Variants in DOCK8 observed in about 807,000 individuals in gnomAD.
DOCK8 encodes dedicator of cytokinesis 8, also known as dedicator of cytokinesis protein 8.
In DOCK8, 141 loss-of-function variants were observed where a neutral mutation model predicts 245.6. That is an observed-to-expected ratio of 0.57 (90% CI 0.50 to 0.66). The LOEUF is 0.66. Ranked by LOEUF, DOCK8 falls within the 30% of genes least tolerant of loss-of-function variation. The pLI is 0.00. For synonymous variants in DOCK8, 1,168 were observed against 970.2 expected (o/e 1.20, Z -3.79); for missense variants, 2,965 against 2,603.4 (o/e 1.14, Z -3.02).
chr9:425,409 G>A (rs12004361), intron 33 of DOCK8, among the ~76,000 whole-genome samples: 45,363 of 151,658 alleles, frequency 0.3, 7,565 homozygotes, highest in African/African-American at 0.45. Context: ...GCGGGCGCCT[G>A]TAGTCCCAGC....
In DOCK8 at chr9:283,490, T is replaced by C. The variant is rs1223205956; in HGVS notation, c.157-2971T>C. ...TGGTAAAGTCTGGACTTTTAGTGTC[T>C]CCATCACCCAAATAGCATCCATTGT... On this transcript the variant is annotated intron_variant, in intron 2 of 47. Transcript: ENST00000432829. Among the ~76,000 whole-genome samples the C allele has an allele frequency of 3.3e-5, 5 of 152,304 alleles. No homozygotes were observed. The East Asian group carries it at 9.6e-4, about 29-fold the overall frequency.
In DOCK8 at chr9:259,220, G is replaced by C. The variant is rs140536447; in HGVS notation, c.54-12407G>C. Among the ~76,000 whole-genome samples, 8 of 152,168 alleles carry C rather than the reference G, an allele frequency of 5.3e-5. 1 individual carries two copies. In the East Asian group the frequency reaches 1.2e-3, roughly 22 times the overall value. On this transcript the variant is annotated intron_variant, in intron 1 of 47. Coordinates refer to ENST00000432829, the MANE Select transcript of DOCK8 (RefSeq NM_203447.4). ...CAGGGGACTGAGGTAGGAGGATCTC[G>C]TAAGTCCTGGAGTTTGAGGCTGCAG...
intron 4 of DOCK8, among the ~76,000 whole-genome samples, chr9:303,235 G>C (rs2049639103): frequency 6.6e-6 from 1 of 151,634 alleles, no homozygotes; most frequent in Non-Finnish European, 1.5e-5. Flanking sequence ...GAAGATTTCT[G>C]AAAGAACTTA....
chr9:334,526 T>C, intron 11 of DOCK8, 142 bp downstream of exon 11: 1 of 858,876 alleles, frequency 1.2e-6, no homozygotes, highest in Non-Finnish European at 1.8e-6. Context: ...GAAACACTGT[T>C]ATGACTGGAT....
chr9:325,555 CA>C, intron 7 of DOCK8, 115 bp from the exon 8 acceptor site: 1 of 876,068 alleles, frequency 1.1e-6, no homozygotes, highest in Non-Finnish European at 1.9e-6. Context: ...TGGAGTTTTC[CA>C]AATATTTCGG....
chr9:216,562 A>G lies in DOCK8; in HGVS notation c.53+1533A>G, dbSNP rs530630321. Among the ~76,000 whole-genome samples, 12 of 150,690 alleles carry G rather than the reference A, an allele frequency of 8.0e-5. No homozygotes were observed. In the East Asian group the frequency reaches 2.3e-3, roughly 29 times the overall value. On this transcript the variant is annotated intron_variant, in intron 1 of 47. Transcript: ENST00000432829. ...CAAAAAAAAAAAAAAAAAAGCAAAA[A>G]CAAGGCATGAAGTATATCAGGGATC...
At chr9:305,476 G>C (rs1055724868) in intron 5 of DOCK8, among the ~76,000 whole-genome samples, 2 of 151,980 alleles carry the variant, frequency 1.3e-5, no homozygotes, top group South Asian at 2.1e-4. Context: ...TAGTAGAGAC[G>C]GGGTTTCACC....
chr9:286,452 C>G lies in DOCK8; in HGVS notation c.157-9C>G, dbSNP rs1238613488. On this transcript the variant is annotated splice_polypyrimidine_tract_variant and intron_variant, in intron 2 of 47. Coordinates refer to ENST00000432829, the MANE Select transcript of DOCK8 (RefSeq NM_203447.4). ...GAGAACCTCCTTTTCCTTTTCCCTG[C>G]CCCTCCAGCCTCAGTTTTATGACCC... The G allele has an allele frequency of 6.2e-7, 1 of 1,613,348 alleles. No individual in the cohort carries two copies. Among genetic ancestry groups the G allele is most frequent in the African/African-American group, 1.3e-5 (1 of 74,878 alleles).
At chr9:374,117 T>C (rs61243161) in intron 18 of DOCK8, among the ~76,000 whole-genome samples, 16,500 of 152,218 alleles carry the variant, frequency 0.11, 1,975 homozygotes, top group African/African-American at 0.3. Context: ...GAGATAATGC[T>C]TGCCAAACAA....
At position 399,161 on chromosome 9, in the gene DOCK8, G is replaced by T; in HGVS notation, c.3136G>T (p.Glu1046Ter). The T allele has an allele frequency of 6.2e-7, 1 of 1,613,958 alleles. No individual in the cohort carries two copies. Residue 1046 changes from glutamate (E) to a stop codon, truncating the protein, a stop_gained, in exon 26 of 48, where the codon GAA becomes TAA. Transcript: ENST00000432829. LOFTEE classifies it high-confidence loss of function. ...VKPQKENEQA[E>*]KMNISLAFFL... ...TGTTTTTAAGGAAAATGAACAGGCG[G>T]AAAAGATGAACATCAGCCTGGCTTT...
chr9:241,212 A>C (rs1045805835), intron 1 of DOCK8, among the ~76,000 whole-genome samples: 1 of 152,154 alleles, frequency 6.6e-6, no homozygotes, highest in Non-Finnish European at 1.5e-5. Context: ...CTCAAACTCT[A>C]ATCATTTCTT....
chr9:443,361 C>A, intron 42 of DOCK8, 66 bp from the exon 43 acceptor site: 1 of 1,478,146 alleles, frequency 6.8e-7, no homozygotes, highest in South Asian at 1.1e-5. Flanking sequence ...TATTTCACTT[C>A]CAAGAAGACA....
intron 36 of DOCK8, 98 bp downstream of exon 36, chr9:429,952 C>T (rs183559456): frequency 2.4e-5 from 34 of 1,413,040 alleles, no homozygotes; most frequent in Admixed American, 5.9e-5. Flanking sequence ...TGCAGTATTG[C>T]AGTTTACTTC....
At chr9:393,947 A>G (rs569041188) in intron 24 of DOCK8, among the ~76,000 whole-genome samples, 77 of 152,292 alleles carry the variant, frequency 5.1e-4, no homozygotes, top group African/African-American at 1.7e-3. Context: ...GCCTTTCTCT[A>G]TGCTAGCTCT....
At chr9:385,804 A>T (rs2053926890) in intron 22 of DOCK8, among the ~76,000 whole-genome samples, 1 of 152,190 alleles carries the variant, frequency 6.6e-6, no homozygotes, top group South Asian at 2.1e-4. Flanking sequence ...GACAGCCTTG[A>T]TCTTTCTATT....
At chr9:409,655 A>G (rs1275428863) in intron 28 of DOCK8, among the ~76,000 whole-genome samples, 3 of 152,208 alleles carry the variant, frequency 2.0e-5, no homozygotes, top group South Asian at 2.1e-4. Context: ...ATATGTATAT[A>G]TGCGCCATGT....
upstream of DOCK8, among the ~76,000 whole-genome samples, chr9:212,421 T>A (rs493348): frequency 6.6e-6 from 1 of 151,832 alleles, no homozygotes; most frequent in African/African-American, 2.4e-5. Flanking sequence ...AGAGAGACCA[T>A]CAGATGCGGA....
At position 369,006 on chromosome 9, in the gene DOCK8, A is replaced by G. The variant is rs188045863; in HGVS notation, c.1797+871A>G. ...TTTTTAGTAGAGATGGGGTTTCACC[A>G]TGTTGGCCAGGGTGGTCTCAAACTC... On this transcript the variant is annotated intron_variant, in intron 15 of 47. Coordinates refer to ENST00000432829, the MANE Select transcript of DOCK8 (RefSeq NM_203447.4). 9.9e-5 allele frequency: 15 copies of G among 152,006 alleles called. No homozygotes were observed. The East Asian group carries it at 1.5e-3, about 16-fold the overall frequency. 9.4% of individuals were successfully genotyped at this position (152,006 alleles called of 1,614,324 possible). A position where few individuals can be genotyped will look rare whatever the true frequency, so the allele number is the denominator to read the frequency against.
chr9:246,833 C>G (rs977134867), intron 1 of DOCK8, among the ~76,000 whole-genome samples: 1 of 151,798 alleles, frequency 6.6e-6, no homozygotes, highest in African/African-American at 2.4e-5. Flanking sequence ...CCAGGCTGGC[C>G]TAGAATTCCC....
Sources: allele counts gnomAD v4.1 joint callset (sites outside exome capture counted in the v4.1 genomes callset), GRCh38; gene constraint gnomAD v4.1.1; transcripts MANE v1.5; gene names NCBI Gene and HGNC (gene_info 2026-07-23, HGNC 2026-07-21).